MAP2K3: variants seen among roughly 807,000 people sequenced by gnomAD.
MAP2K3 encodes mitogen-activated protein kinase kinase 3.
Under a neutral mutation model 46.4 loss-of-function variants are expected in MAP2K3, and 30 were observed. That is an observed-to-expected ratio of 0.65 (90% CI 0.48 to 0.88). MAP2K3 has a LOEUF of 0.88. Among genes scored for constraint, MAP2K3 ranks in the 40% least tolerant of loss-of-function variants. MAP2K3 has a pLI of 0.00. For missense variants in MAP2K3, 380 were observed against 464.5 expected (o/e 0.82, Z 1.67); for synonymous variants, 189 against 176.3 (o/e 1.07, Z -0.57).
At chr17:21,309,992 T>C (rs200037428) in intron 9 of MAP2K3, among the ~76,000 whole-genome samples, 3 of 152,054 alleles carry the variant, frequency 2.0e-5, no homozygotes, top group East Asian at 3.9e-4. Flanking sequence ...CTGTTTTTTT[T>C]GTTTTTTGTT....
intron 1 of MAP2K3, among the ~76,000 whole-genome samples, chr17:21,290,690 T>C (rs1432158951): frequency 6.6e-6 from 1 of 152,312 alleles, no homozygotes; most frequent in South Asian, 2.1e-4. Flanking sequence ...TTAATAGTAA[T>C]GATAAATCCC....
At position 21,289,156 on chromosome 17, in the gene MAP2K3, A is replaced by AT. The variant is rs1325227150; in HGVS notation, c.49+4190dup. Reference sequence around the variant, plus strand: ...GTAGGGTCCTTTCACGCAGGCCAGAATTTACCAGGCTTTAGGGCCTCTTAA... The same window carrying AT: ...GTAGGGTCCTTTCACGCAGGCCAGAATTTTACCAGGCTTTAGGGCCTCTTAA... On this transcript the variant is annotated intron_variant, in intron 1 of 11. Transcript: ENST00000342679. Among the ~76,000 whole-genome samples the AT allele has an allele frequency of 8.5e-5, 13 of 152,278 alleles. No individual in the cohort carries two copies. In the East Asian group the frequency reaches 1.2e-3, roughly 14 times the overall value.
chr17:21,302,085 A>C, intron 5 of MAP2K3, 58 bp from the exon 6 acceptor site: 1 of 1,544,970 alleles, frequency 6.5e-7, no homozygotes, highest in Non-Finnish European at 8.9e-7. Flanking sequence ...CAGGCAGTGC[A>C]GGTGGTGCAG....
Position 21,284,806 on chromosome 17 carries a change from G to C in MAP2K3, c.-115G>C. On this transcript the variant is annotated 5_prime_UTR_variant, in exon 1 of 12. Coordinates refer to ENST00000342679, the MANE Select transcript of MAP2K3 (RefSeq NM_145109.3). ...CGCCGCCGCCGCCGCCGCCGCCGCCGCTGCTCCTCCGCCTGGCCTGGGCCG... is the reference window on the plus strand; with the variant it reads ...CGCCGCCGCCGCCGCCGCCGCCGCCCCTGCTCCTCCGCCTGGCCTGGGCCG... 8.2e-7 allele frequency: 1 copy of C among 1,225,614 alleles called. No homozygotes were observed. The highest frequency in any genetic ancestry group is 1.6e-5 in the African/African-American group (1 of 61,886). 75.9% of individuals were successfully genotyped at this position (1,225,614 alleles called of 1,614,324 possible). A position where few individuals can be genotyped will look rare whatever the true frequency, so the allele number is the denominator to read the frequency against.
Position 21,300,987 on chromosome 17 carries a change from CAG to C in MAP2K3, c.398_399del (p.Glu133GlyfsTer24). The C allele has an allele frequency of 1.2e-6, 2 of 1,614,154 alleles. No homozygotes were observed. Among genetic ancestry groups the C allele is most frequent in the South Asian group, 1.1e-5 (1 of 91,080 alleles). On this transcript the variant is annotated frameshift_variant, in exon 5 of 12. Transcript: ENST00000342679. LOFTEE classifies it high-confidence loss of function. Reference sequence around the variant, plus strand: ...CTGTCACCTTCTACGGGGCACTATTCAGAGAGGTGCGTCCTTGCATGATGCAG... The same window carrying C: ...CTGTCACCTTCTACGGGGCACTATTCAGAGGTGCGTCCTTGCATGATGCAG... Reference protein sequence around the residue: ...YTVTFYGALFREGDVWICMEL... With the variant: ...YTVTFYGALFXEGDVWICMEL...
intron 9 of MAP2K3, among the ~76,000 whole-genome samples, chr17:21,309,768 C>T (rs1977076246): frequency 1.3e-5 from 2 of 151,984 alleles, no homozygotes; most frequent in East Asian, 1.9e-4. Flanking sequence ...CGTGCGCCAC[C>T]ATGCCTGGCT....
intron 3 of MAP2K3, among the ~76,000 whole-genome samples, chr17:21,299,266 T>A (rs972104900): frequency 1.3e-5 from 2 of 152,310 alleles, no homozygotes; most frequent in Admixed American, 1.3e-4. Flanking sequence ...ACCCGCTGGA[T>A]CACTCCCTCA....
Position 21,284,906 on chromosome 17 carries a change from G to C in MAP2K3, c.-15G>C. On this transcript the variant is annotated 5_prime_UTR_variant, in exon 1 of 12. Coordinates refer to ENST00000342679, the MANE Select transcript of MAP2K3 (RefSeq NM_145109.3). ...CTAGATTAGTCTCCACCGCCGTCCA[G>C]GACCCACTTGCAGCATGGAGTCGCC... is the stretch of plus-strand genomic sequence containing the variant. The C allele has an allele frequency of 6.2e-7, 1 of 1,612,110 alleles. No individual in the cohort carries two copies. Among genetic ancestry groups the C allele is most frequent in the Non-Finnish European group, 8.5e-7 (1 of 1,179,618 alleles).
At position 21,298,911 on chromosome 17, in the gene MAP2K3, C is replaced by T. The variant is rs1410834238; in HGVS notation, c.150C>T (p.Ile50=). ...GGAACCTGGACTCCCGGACCTTCAT[C>T]ACCATTGGAGACAGAGTAGGTGCCA... The part of the protein sequence containing the change: ...PPRNLDSRTF[I]TIGDRNFEVE... Residue 50 remains isoleucine, a synonymous_variant, in exon 3 of 12, where the codon ATC becomes ATT. Transcript: ENST00000342679. 1 of 1,614,312 alleles carries T rather than the reference C, an allele frequency of 6.2e-7. No individual in the cohort carries two copies. Among genetic ancestry groups the T allele is most frequent in the South Asian group, 1.1e-5 (1 of 91,092 alleles).
chr17:21,313,932 T>C, intron 11 of MAP2K3: 1 of 598,072 alleles, frequency 1.7e-6, no homozygotes, highest in Middle Eastern at 3.7e-4. Flanking sequence ...AAAGGGAGGT[T>C]AGTGTGGCTG....
At position 21,290,923 on chromosome 17, in the gene MAP2K3, C is replaced by T. The variant is rs1184469055; in HGVS notation, c.49+5954C>T. Among the ~76,000 whole-genome samples, 26 of 152,304 alleles carry T rather than the reference C, an allele frequency of 1.7e-4. No individual in the cohort carries two copies. In the Middle Eastern group the frequency reaches 0.01, roughly 60 times the overall value. On this transcript the variant is annotated intron_variant, in intron 1 of 11. Coordinates refer to ENST00000342679, the MANE Select transcript of MAP2K3 (RefSeq NM_145109.3). ...TGCCACAGCACTCCAGCCTGGGTGACAGAGTGAGACCCTGTCTGTTTAAAA... is the reference window on the plus strand; with the variant it reads ...TGCCACAGCACTCCAGCCTGGGTGATAGAGTGAGACCCTGTCTGTTTAAAA...
chr17:21,300,231 G>C (rs1286360415), intron 3 of MAP2K3, among the ~76,000 whole-genome samples: 1 of 152,312 alleles, frequency 6.6e-6, no homozygotes, highest in Admixed American at 6.5e-5. Flanking sequence ...CTAGCCAGCT[G>C]AGTGGGGTCG....
intron 9 of MAP2K3, chr17:21,311,633 T>C (rs1174464612): frequency 1.3e-5 from 2 of 154,096 alleles, no homozygotes; most frequent in Non-Finnish European, 2.9e-5. Context: ...TGTGTGTGTG[T>C]GTGTGTGTGT....
intron 9 of MAP2K3, among the ~76,000 whole-genome samples, chr17:21,305,555 TC>T (rs1396715816): frequency 2.0e-5 from 3 of 152,292 alleles, no homozygotes; most frequent in Non-Finnish European, 4.4e-5. Context: ...GGGCGGGCTC[TC>T]AATCCTGGGC....
intron 3 of MAP2K3, 30 bp downstream of exon 3, chr17:21,298,956 C>A (rs369361897): frequency 6.2e-7 from 1 of 1,613,418 alleles, no homozygotes; most frequent in South Asian, 1.1e-5. Context: ...CCTGCAGGGC[C>A]TCTCACTTCA....
chr17:21,302,708 C>T (rs2067518046), intron 6 of MAP2K3, among the ~76,000 whole-genome samples: 1 of 152,310 alleles, frequency 6.6e-6, no homozygotes, highest in Non-Finnish European at 1.5e-5. Context: ...CTTGAGCATT[C>T]CAGTAGCCAA....
intron 10 of MAP2K3, among the ~76,000 whole-genome samples, chr17:21,312,727 C>A (rs1374700925): frequency 6.6e-6 from 1 of 151,962 alleles, no homozygotes; most frequent in African/African-American, 2.4e-5. Flanking sequence ...CCAGCCTGAC[C>A]AACATGGTGA....
At chr17:21,305,542 G>C (rs1054115801) in intron 9 of MAP2K3, among the ~76,000 whole-genome samples, 1 of 152,290 alleles carries the variant, frequency 6.6e-6, no homozygotes, top group African/African-American at 2.4e-5. Context: ...TGGTAGAAAG[G>C]GTGGGCGGGC....
At position 21,314,388 on chromosome 17, in the gene MAP2K3, G is replaced by T; in HGVS notation, c.*158G>T. The T allele has an allele frequency of 1.5e-6, 1 of 677,744 alleles. No homozygotes were observed. Among genetic ancestry groups the T allele is most frequent in the South Asian group, 1.7e-5 (1 of 57,642 alleles). The allele number at this position is 677,744 out of a possible 1,614,324, so 42.0% of individuals were successfully genotyped here. Reference sequence around the variant, plus strand: ...CACCTGGCTCTGTGGCGAGCCATTTGTCCCAAGTGCCAAAGAAGCAGACCA... The same window carrying T: ...CACCTGGCTCTGTGGCGAGCCATTTTTCCCAAGTGCCAAAGAAGCAGACCA... On this transcript the variant is annotated 3_prime_UTR_variant, in exon 12 of 12. Transcript: ENST00000342679.
Sources: allele counts gnomAD v4.1 joint callset (sites outside exome capture counted in the v4.1 genomes callset), GRCh38; gene constraint gnomAD v4.1.1; transcripts MANE v1.5; gene names NCBI Gene and HGNC (gene_info 2026-07-23, HGNC 2026-07-21).